RASAL2: variants seen among roughly 807,000 people sequenced by gnomAD.
RASAL2 encodes the protein ras GTPase-activating protein nGAP.
Under a neutral mutation model 128.9 loss-of-function variants are expected in RASAL2, and 58 were observed. That is an observed-to-expected ratio of 0.45 (90% CI 0.36 to 0.56). The LOEUF (loss-of-function observed/expected upper bound fraction) is 0.56. Among genes scored for constraint, RASAL2 ranks in the 20% least tolerant of loss-of-function variants. RASAL2 has a pLI of 0.00. For synonymous variants in RASAL2, 561 were observed against 580.8 expected, an observed-to-expected ratio of 0.97 and a Z score of 0.49; for missense variants, 1,360 against 1,601.6, an observed-to-expected ratio of 0.85 and a Z score of 2.57.
chr1:178,206,729 TA>T (rs1663063510), intron 1 of RASAL2, among the ~76,000 whole-genome samples: 1 of 152,218 alleles, frequency 6.6e-6, no homozygotes, highest in Non-Finnish European at 1.5e-5. Flanking sequence ...CAAAGATCTA[TA>T]TTAACATTTT....
chr1:178,240,805 C>T (rs902624256), intron 1 of RASAL2, among the ~76,000 whole-genome samples: 1 of 151,538 alleles, frequency 6.6e-6, no homozygotes, highest in Non-Finnish European at 1.5e-5. Context: ...AATCAATATC[C>T]TTCACTTCAC....
chr1:178,112,543 C>T (rs568826126), intron 1 of RASAL2, among the ~76,000 whole-genome samples: 71 of 151,382 alleles, frequency 4.7e-4, no homozygotes, highest in African/African-American at 1.7e-3. Context: ...GAGCGAGACT[C>T]CATCTCAAAA....
At chr1:178,468,309 T>C (rs6688896) in intron 17 of RASAL2, among the ~76,000 whole-genome samples, 10,296 of 152,232 alleles carry the variant, frequency 0.068, 1,120 homozygotes, top group African/African-American at 0.23. Flanking sequence ...TTTTCAACCT[T>C]AAATGACATA....
chr1:178,464,372 A>C lies in RASAL2; in HGVS notation c.3347A>C (p.Glu1116Ala). The C allele has an allele frequency of 4.3e-6, 7 of 1,613,854 alleles. No homozygotes were observed. Among genetic ancestry groups the C allele is most frequent in the Non-Finnish European group, 5.9e-6 (7 of 1,179,818 alleles). Residue 1116 changes from glutamate (E) to alanine (A), a missense_variant, in exon 15 of 18, where the codon GAA (glutamate) becomes GCA (alanine). Coordinates refer to ENST00000367649, the MANE Select transcript of RASAL2 (RefSeq NM_170692.4). ...NNGQYEEDVE[E>A]TEQNLDEAKH... is the part of the protein sequence containing the mutation. The stretch of plus-strand genomic sequence containing the variant: ...GGGCAGTATGAAGAGGATGTGGAAG[A>C]AACTGAGCAAAATCTAGATGAAGCC...
In RASAL2 at chr1:178,475,851, A is replaced by G. The variant is rs1243828901; in HGVS notation, c.*2612A>G. ...AATAATAGAGCATTACCAATAAGCT[A>G]AAAGTTCAGAGTTGCTGATAGATGT... is the stretch of plus-strand genomic sequence containing the variant. On this transcript the variant is annotated 3_prime_UTR_variant, in exon 18 of 18. Coordinates refer to ENST00000367649, the MANE Select transcript of RASAL2 (RefSeq NM_170692.4). 3.9e-5 allele frequency: 6 copies of G among 152,244 alleles called. No homozygotes were observed. The South Asian group carries it at 8.3e-4, about 21-fold the overall frequency. The allele number at this position is 152,244 out of a possible 1,614,324, so 9.4% of individuals were successfully genotyped here. A position where few individuals can be genotyped will look rare whatever the true frequency, so the allele number is the denominator to read the frequency against.
chr1:178,260,364 ATATATATATATATATATATATATATATAT>A (rs1300865952), intron 1 of RASAL2, among the ~76,000 whole-genome samples: 269 of 19,618 alleles, frequency 0.014, 84 homozygotes, highest in Non-Finnish European at 0.022. Context: ...AAAAAAAAAA[ATATATATATATATATATATATATATATAT>A]ATATATATAT....
chr1:178,466,127 G>A lies in RASAL2; in HGVS notation c.3590+5G>A, dbSNP rs1482659830. 1 of 1,545,314 alleles carries A rather than the reference G, an allele frequency of 6.5e-7. No individual in the cohort carries two copies. Among genetic ancestry groups the A allele is most frequent in the East Asian group, 2.4e-5 (1 of 41,414 alleles). Reference sequence around the variant, plus strand: ...GATGAAAAGCATCATCAGCAGGTTAGACATCACCTGGCAGCAGATGTGGGC... The same window carrying A: ...GATGAAAAGCATCATCAGCAGGTTAAACATCACCTGGCAGCAGATGTGGGC... On this transcript the variant is annotated splice_donor_5th_base_variant and intron_variant, in intron 16 of 17. Transcript: ENST00000367649.
chr1:178,452,276 A>T (rs1677429542), intron 10 of RASAL2, 140 bp from the exon 11 acceptor site: 2 of 735,794 alleles, frequency 2.7e-6, no homozygotes, highest in Admixed American at 4.8e-5. Flanking sequence ...GAATCAGGTA[A>T]AACCTCATCC....
intron 1 of RASAL2, among the ~76,000 whole-genome samples, chr1:178,140,819 C>T (rs957305774): frequency 6.6e-6 from 1 of 152,208 alleles, no homozygotes; most frequent in African/African-American, 2.4e-5. Context: ...TTTAGACCCC[C>T]AGTGTATTCG....
intron 1 of RASAL2, among the ~76,000 whole-genome samples, chr1:178,178,856 C>T (rs1188036661): frequency 8.5e-5 from 13 of 152,166 alleles, no homozygotes; most frequent in Non-Finnish European, 1.3e-4. Flanking sequence ...AAGGACCCGG[C>T]ACCTCTACTA....
intron 1 of RASAL2, among the ~76,000 whole-genome samples, chr1:178,098,189 A>C (rs762947727): frequency 6.6e-6 from 1 of 152,110 alleles, no homozygotes; most frequent in East Asian, 1.9e-4. Context: ...TTCATTGTCA[A>C]CTTGTCTGCC....
In RASAL2 at chr1:178,390,120, C is replaced by A; in HGVS notation, c.478C>A (p.Pro160Thr). 2.5e-6 allele frequency: 4 copies of A among 1,609,596 alleles called. No individual in the cohort carries two copies. The highest frequency in any genetic ancestry group is 2.5e-6 in the Non-Finnish European group (3 of 1,178,278). ...TKLEVPAERS[P>T]RRRSISGTST... Reference sequence around the variant, plus strand: ...TCCAGAGGTACCAGCAGAAAGGTCCCCTCGTAGACGGAGTATCTCAGGGAC... The same window carrying A: ...TCCAGAGGTACCAGCAGAAAGGTCCACTCGTAGACGGAGTATCTCAGGGAC... The change falls in exon 4 of 18, where the codon CCT (proline) becomes ACT (threonine). Residue 160 changes from proline (P) to threonine (T), a missense_variant. This residue lies in a region of RASAL2 where 617 missense variants were observed against 714.2 expected (regional missense o/e 0.86). Coordinates refer to ENST00000367649, the MANE Select transcript of RASAL2 (RefSeq NM_170692.4).
At chr1:178,310,296 G>T (rs1668178835) in intron 3 of RASAL2, among the ~76,000 whole-genome samples, 1 of 152,058 alleles carries the variant, frequency 6.6e-6, no homozygotes, top group Admixed American at 6.6e-5. Context: ...AGTTTTCAAA[G>T]CAAATATTAT....
At chr1:178,282,452 T>C (rs1239547001) in intron 1 of RASAL2, among the ~76,000 whole-genome samples, 1 of 152,206 alleles carries the variant, frequency 6.6e-6, no homozygotes, top group Non-Finnish European at 1.5e-5. Context: ...TGGTTAATTA[T>C]AATGTAAGAC....
At chr1:178,410,671 GA>G (rs955599476) in intron 4 of RASAL2, among the ~76,000 whole-genome samples, 17 of 141,808 alleles carry the variant, frequency 1.2e-4, no homozygotes, top group East Asian at 1.0e-3. Context: ...AACAAATCAA[GA>G]AAAAAAAAAC....
intron 1 of RASAL2, among the ~76,000 whole-genome samples, chr1:178,136,775 A>AAAAAAAAAAAAG: frequency 6.7e-6 from 1 of 149,968 alleles, no homozygotes; most frequent in African/African-American, 2.5e-5. Flanking sequence ...AAAAAAAAAA[A>AAAAAAAAAAAAG]AAAAAAAAAA....
intron 5 of RASAL2, among the ~76,000 whole-genome samples, chr1:178,434,738 T>C (rs965727874): frequency 1.3e-5 from 2 of 151,708 alleles, no homozygotes; most frequent in Non-Finnish European, 2.9e-5. Context: ...CTCTGGCGAA[T>C]GAGCTCTAAT....
At chr1:178,256,640 T>G (rs904067825) in intron 1 of RASAL2, among the ~76,000 whole-genome samples, 7 of 152,190 alleles carry the variant, frequency 4.6e-5, no homozygotes, top group African/African-American at 1.7e-4. Flanking sequence ...TTCACCTTGA[T>G]TATGGGATAC....
At chr1:178,420,667 A>G (rs747634053) in intron 5 of RASAL2, 47 bp downstream of exon 5, 1 of 1,395,994 alleles carries the variant, frequency 7.2e-7, no homozygotes, top group Non-Finnish European at 9.8e-7. Flanking sequence ...TTGAGAGTGA[A>G]TTTTGTTAAG....
Sources: gnomAD v4.1 joint callset for allele counts (sites outside exome capture counted in the v4.1 genomes callset) on GRCh38, gnomAD v4.1.1 for gene constraint, gnomAD v4.1.1 regional missense constraint, MANE v1.5 for transcripts, NCBI Gene and HGNC (gene_info 2026-07-23, HGNC 2026-07-21) for gene names.